Variants in SYT1 observed in about 807,000 individuals in gnomAD.
The protein encoded by SYT1 is synaptotagmin 1, also known as synaptotagmin-1.
A neutral mutation model predicts 44.8 loss-of-function variants in SYT1; 8 were observed. That is an observed-to-expected ratio of 0.18 (90% confidence interval 0.10 to 0.32). The LOEUF is 0.32. SYT1 is among the 10% of genes least tolerant of loss of function. The pLI is 1.00. For synonymous variants in SYT1, 154 were observed against 188.8 expected (o/e 0.82, Z 1.51); for missense variants, 286 against 509.3 (o/e 0.56, Z 4.22).
intron 4 of SYT1, among the ~76,000 whole-genome samples, chr12:79,224,751 T>TTTATTA (rs201728926): frequency 3.2e-3 from 78 of 24,028 alleles, no homozygotes; most frequent in African/African-American, 6.0e-3. Context: ...TTATTTATTT[T>TTTATTA]TTATTATTAT....
intron 9 of SYT1, among the ~76,000 whole-genome samples, chr12:79,358,642 C>G (rs879637409): frequency 6.6e-6 from 1 of 152,092 alleles, no homozygotes; most frequent in Non-Finnish European, 1.5e-5. Context: ...GTTCAGATCC[C>G]CCCAGTTCTC....
At chr12:79,026,131 G>A (rs1872515323) in intron 2 of SYT1, among the ~76,000 whole-genome samples, 1 of 151,658 alleles carries the variant, frequency 6.6e-6, no homozygotes, top group African/African-American at 2.4e-5. Context: ...TACTATTCAA[G>A]TGTTTTAAAT....
intron 9 of SYT1, among the ~76,000 whole-genome samples, chr12:79,433,564 AT>A (rs1197562353): frequency 6.6e-6 from 1 of 152,196 alleles, no homozygotes; most frequent in Non-Finnish European, 1.5e-5. Flanking sequence ...CAAAAAAAAA[AT>A]CAAGTCAAAT....
chr12:79,450,816 A>T lies in SYT1; in HGVS notation c.*1692A>T, dbSNP rs1389238521. 1 of 152,668 alleles carries T rather than the reference A, an allele frequency of 6.6e-6. No homozygotes were observed. Among genetic ancestry groups the T allele is most frequent in the African/African-American group, 2.4e-5 (1 of 41,462 alleles). 9.5% of individuals were successfully genotyped at this position (152,668 alleles called of 1,614,324 possible). A position where few individuals can be genotyped will look rare whatever the true frequency, so the allele number is the denominator to read the frequency against. On this transcript the variant is annotated 3_prime_UTR_variant, in exon 11 of 11. Coordinates refer to ENST00000261205, the MANE Select transcript of SYT1 (RefSeq NM_005639.3). ...AGCATTTTGTCAAGCACTGTGCAAT[A>T]TTCCATATTTTTCCCCACTATGGTA...
At chr12:79,047,821 T>C (rs1313694364) in intron 3 of SYT1, among the ~76,000 whole-genome samples, 1 of 151,898 alleles carries the variant, frequency 6.6e-6, no homozygotes, top group East Asian at 1.9e-4. Context: ...GCTTAAAATC[T>C]ACACCATATT....
intron 3 of SYT1, among the ~76,000 whole-genome samples, chr12:79,216,473 T>C (rs1286672311): frequency 1.3e-5 from 2 of 152,198 alleles, no homozygotes; most frequent in Non-Finnish European, 2.9e-5. Flanking sequence ...TATTCGTTCA[T>C]TTCTACTCCC....
chr12:79,229,590 TTTTTTATTTTTTTA>T (rs1213595706), intron 4 of SYT1, among the ~76,000 whole-genome samples: 1 of 68,512 alleles, frequency 1.5e-5, no homozygotes, highest in African/African-American at 7.7e-5. Flanking sequence ...GTTTTTTTTA[TTTTTTATTTTTTTA>T]TTTTTTTTAG....
chr12:79,002,308 G>A (rs1385909087), intron 2 of SYT1, among the ~76,000 whole-genome samples: 5 of 151,986 alleles, frequency 3.3e-5, no homozygotes, highest in Non-Finnish European at 7.4e-5. Context: ...AAGCAATCAT[G>A]GCATATGCTT....
At chr12:78,864,380 A>C (rs553366688), upstream of SYT1, 27 of 147,650 alleles carry the variant, frequency 1.8e-4, no homozygotes, top group African/African-American at 6.7e-4. Flanking sequence ...AAAGCTTTGT[A>C]TTATGCTCTC....
At chr12:79,084,744 A>C (rs74405017) in intron 3 of SYT1, among the ~76,000 whole-genome samples, 162 of 152,260 alleles carry the variant, frequency 1.1e-3, no homozygotes, top group African/African-American at 3.8e-3. Context: ...GTAAAATTTT[A>C]AAAAGAACAA....
chr12:79,156,609 A>T (rs1248029362), intron 3 of SYT1, among the ~76,000 whole-genome samples: 1 of 152,062 alleles, frequency 6.6e-6, no homozygotes, highest in African/African-American at 2.4e-5. Flanking sequence ...CTGGGACTAC[A>T]GGCACATGCC....
chr12:78,874,740 A>T (rs764621207), intron 1 of SYT1, among the ~76,000 whole-genome samples: 8 of 151,416 alleles, frequency 5.3e-5, no homozygotes, highest in Non-Finnish European at 7.4e-5. Flanking sequence ...AGCTCACACC[A>T]TGTGGTCAGA....
At chr12:78,991,996 T>C (rs998267984) in intron 2 of SYT1, among the ~76,000 whole-genome samples, 1 of 152,124 alleles carries the variant, frequency 6.6e-6, no homozygotes, top group Non-Finnish European at 1.5e-5. Flanking sequence ...CAAGTTAAGG[T>C]CCAGGCTCCT....
At chr12:79,243,812 A>T (rs1876657262) in intron 4 of SYT1, among the ~76,000 whole-genome samples, 1 of 152,032 alleles carries the variant, frequency 6.6e-6, no homozygotes, top group Non-Finnish European at 1.5e-5. Flanking sequence ...GAAGGAGGAA[A>T]GGAGGGAAGG....
chr12:79,278,572 A>G (rs1356561228), intron 4 of SYT1, among the ~76,000 whole-genome samples: 2 of 152,194 alleles, frequency 1.3e-5, no homozygotes, highest in East Asian at 3.9e-4. Flanking sequence ...CAGAAACATC[A>G]CAATTGACAA....
chr12:79,314,168 CAAAAAAAAAAAA>C (rs34951756), intron 8 of SYT1, among the ~76,000 whole-genome samples: 1 of 67,300 alleles, frequency 1.5e-5, no homozygotes, highest in East Asian at 3.9e-4. Flanking sequence ...GACTCCGTCT[CAAAAAAAAAAAA>C]AAAAAAAAAA....
At chr12:79,363,623 T>C (rs1883414976) in intron 9 of SYT1, among the ~76,000 whole-genome samples, 1 of 151,246 alleles carries the variant, frequency 6.6e-6, no homozygotes, top group Non-Finnish European at 1.5e-5. Flanking sequence ...TGGTCCCAGC[T>C]ACATGGGAAG....
At chr12:79,355,516 T>A (rs1883077597) in intron 9 of SYT1, among the ~76,000 whole-genome samples, 1 of 152,198 alleles carries the variant, frequency 6.6e-6, no homozygotes, top group Non-Finnish European at 1.5e-5. Context: ...GTAAATATCC[T>A]GAAAAGCCCT....
chr12:78,958,346 A>G (rs71462200), intron 1 of SYT1, among the ~76,000 whole-genome samples: 22,199 of 151,820 alleles, frequency 0.15, 1,943 homozygotes, highest in East Asian at 0.31. Flanking sequence ...CCCTGTTTAT[A>G]TAATTCTTAT....
Sources: gnomAD v4.1 joint callset for allele counts (sites outside exome capture counted in the v4.1 genomes callset) on GRCh38, gnomAD v4.1.1 for gene constraint, MANE v1.5 for transcripts, NCBI Gene and HGNC (gene_info 2026-07-23, HGNC 2026-07-21) for gene names.